MPHOSPH10: variants seen among roughly 807,000 people sequenced by gnomAD.
MPHOSPH10 encodes the protein M-phase phosphoprotein 10.
Under a neutral mutation model 77.3 loss-of-function variants are expected in MPHOSPH10, and 33 were observed. The ratio of observed to expected loss-of-function variants is 0.43; its 90% CI spans 0.32 to 0.57. The LOEUF (loss-of-function observed/expected upper bound fraction) is 0.57, where lower values mean the gene tolerates loss of function less well. Ranked by LOEUF, MPHOSPH10 falls within the 20% of genes least tolerant of loss-of-function variation. MPHOSPH10 has a pLI of 0.07. For missense variants in MPHOSPH10, 708 were observed against 780.1 expected, an observed-to-expected ratio of 0.91 and a Z score of 1.10; for synonymous variants, 245 against 268.0, an observed-to-expected ratio of 0.91 and a Z score of 0.84.
In MPHOSPH10 at chr2:71,144,494, T is replaced by C; in HGVS notation, c.1513T>C (p.Leu505=). 6.2e-7 allele frequency: 1 copy of C among 1,614,212 alleles called. No individual in the cohort carries two copies. The highest frequency in any genetic ancestry group is 1.3e-5 in the African/African-American group (1 of 75,066). ...TCAGAAGATGATGGATTCCCTCTTC[T>C]TAAAATTGGATGCCCTCTCAAACTT... ...EIQKMMDSLF[L]KLDALSNFHF... The change falls in exon 8 of 11, where the codon TTA becomes CTA. Residue 505 remains leucine (L), a synonymous_variant. Transcript: ENST00000244230.
At chr2:71,149,090 A>T in intron 9 of MPHOSPH10, 133 bp from the exon 10 acceptor site, 2 of 738,704 alleles carry the variant, frequency 2.7e-6, no homozygotes, top group Non-Finnish European at 4.5e-6. Flanking sequence ...GCAGGTGGGG[A>T]TTGCTCTGCA....
chr2:71,134,067 T>C lies in MPHOSPH10; in HGVS notation c.888T>C (p.Ile296=), dbSNP rs755967072. 3 of 1,609,992 alleles carry C rather than the reference T, an allele frequency of 1.9e-6. No homozygotes were observed. Among genetic ancestry groups the C allele is most frequent in the Admixed American group, 1.7e-5 (1 of 59,480 alleles). ...ELDSNKEDDE[I]AEEEAEELSI... is the part of the protein sequence containing the mutation. ...ATTCAAACAAAGAAGATGATGAAAT[T>C]GCTGAAGAAGAAGCAGAAGAACTAA... Residue 296 remains isoleucine (I), a synonymous_variant, in exon 3 of 11, where the codon ATT becomes ATC. Coordinates refer to ENST00000244230, the MANE Select transcript of MPHOSPH10 (RefSeq NM_005791.3).
chr2:71,141,933 G>A (rs1401016352), intron 7 of MPHOSPH10, among the ~76,000 whole-genome samples: 2 of 152,218 alleles, frequency 1.3e-5, no homozygotes, highest in Non-Finnish European at 2.9e-5. Context: ...TTGGGAGGCC[G>A]AGGCAGGGGA....
chr2:71,149,837 G>A, intron 10 of MPHOSPH10, 29 bp from the exon 11 acceptor site: 1 of 1,506,706 alleles, frequency 6.6e-7, no homozygotes, highest in Non-Finnish European at 8.8e-7. Flanking sequence ...ACATTTTACA[G>A]CATAAGCATG....
rs745788802 is a variant in MPHOSPH10, at chr2:71,138,591, C to T, written c.1200C>T (p.Leu400=). The T allele has an allele frequency of 6.8e-6, 11 of 1,614,190 alleles. No individual in the cohort carries two copies. The highest frequency in any genetic ancestry group is 4.0e-5 in the African/African-American group (3 of 75,048). The change falls in exon 5 of 11, where the codon CTC becomes CTT. Residue 400 remains leucine (L), a synonymous_variant. Transcript: ENST00000244230. The stretch of plus-strand genomic sequence containing the variant: ...CACAGAAGAGGCCAGAGAACAGCCT[C>T]CTGGAGGAGACCCTACACTTTGACC... ...VTAQKRPENS[L]LEETLHFDHA...
intron 5 of MPHOSPH10, chr2:71,138,968 A>G: frequency 1.8e-6 from 1 of 549,692 alleles, no homozygotes; most frequent in East Asian, 3.1e-5. Context: ...CAGAAAGGGG[A>G]GGTTGCAGTG....
At chr2:71,131,479 A>G (rs940572352) in intron 1 of MPHOSPH10, among the ~76,000 whole-genome samples, 1 of 152,198 alleles carries the variant, frequency 6.6e-6, no homozygotes, top group Admixed American at 6.5e-5. Flanking sequence ...CCATCCCCTG[A>G]AGTCCTTTTC....
At chr2:71,134,531 A>G in intron 3 of MPHOSPH10, 95 bp from the exon 4 acceptor site, 2 of 1,183,872 alleles carry the variant, frequency 1.7e-6, no homozygotes, top group South Asian at 2.9e-5. Context: ...CATTAGGTAT[A>G]TAAAATAAGA....
At chr2:71,130,838 G>T (rs1673363098) in intron 1 of MPHOSPH10, 84 bp downstream of exon 1, 2 of 1,306,246 alleles carry the variant, frequency 1.5e-6, no homozygotes, top group Admixed American at 4.3e-5. Context: ...TTGTGGAGCT[G>T]GGGGAAGGTA....
Position 71,133,158 on chromosome 2 carries a change from A to T in MPHOSPH10, c.350A>T (p.Glu117Val). The change falls in exon 2 of 11, where the codon GAG (glutamate) becomes GTG (valine). Residue 117 changes from glutamate (E) to valine (V), a missense_variant. Around this residue, in one of 3 missense-constraint regions of MPHOSPH10, gnomAD observed 433 missense variants for 432.6 expected, o/e 1.00. Transcript: ENST00000244230. ...GAGAGTGAAGAACAGGAACGTGAAG[A>T]GGATGGTTCAGAGATAGAGGCTGAT... Reference protein sequence around the residue: ...LPESEEQEREEDGSEIEADDK... With the variant: ...LPESEEQEREVDGSEIEADDK... 1 of 1,614,168 alleles carries T rather than the reference A, an allele frequency of 6.2e-7. No homozygotes were observed.
intron 1 of MPHOSPH10, among the ~76,000 whole-genome samples, chr2:71,131,271 C>T (rs1234768217): frequency 6.6e-6 from 1 of 152,212 alleles, no homozygotes; most frequent in Non-Finnish European, 1.5e-5. Flanking sequence ...CCCAACCTTT[C>T]CCTGAGTTCC....
At chr2:71,137,827 T>C (rs1365646883) in intron 4 of MPHOSPH10, among the ~76,000 whole-genome samples, 1 of 152,214 alleles carries the variant, frequency 6.6e-6, no homozygotes, top group Non-Finnish European at 1.5e-5. Context: ...TGGCATTTTA[T>C]ACACTGAAGT....
chr2:71,141,196 G>T (rs780802297), intron 6 of MPHOSPH10, 36 bp from the exon 7 acceptor site: 9 of 1,310,676 alleles, frequency 6.9e-6, no homozygotes, highest in Admixed American at 3.0e-5. Flanking sequence ...ATAAATTGTA[G>T]GTTTTGTTAT....
Position 71,149,457 on chromosome 2 carries a change from A to G in MPHOSPH10, c.1896+4A>G. The G allele has an allele frequency of 1.9e-6, 3 of 1,606,836 alleles. No homozygotes were observed. Among genetic ancestry groups the G allele is most frequent in the South Asian group, 1.1e-5 (1 of 89,374 alleles). Reference sequence around the variant, plus strand: ...TGGCAAAGCTTCCTTCATAAAGGTAAGGACAAGGGAAAGAAAACTGCTCAA... The same window carrying G: ...TGGCAAAGCTTCCTTCATAAAGGTAGGGACAAGGGAAAGAAAACTGCTCAA... On this transcript the variant is annotated splice_donor_region_variant and intron_variant, in intron 10 of 10. Coordinates refer to ENST00000244230, the MANE Select transcript of MPHOSPH10 (RefSeq NM_005791.3).
chr2:71,149,484 G>T, intron 10 of MPHOSPH10, 31 bp downstream of exon 10: 1 of 1,584,114 alleles, frequency 6.3e-7, no homozygotes, highest in Non-Finnish European at 8.6e-7. Flanking sequence ...ACTGCTCAAG[G>T]GGACCTTTGT....
At chr2:71,138,230 ACAAACT>A (rs1425408053) in intron 4 of MPHOSPH10, among the ~76,000 whole-genome samples, 1 of 152,222 alleles carries the variant, frequency 6.6e-6, no homozygotes, top group African/African-American at 2.4e-5. Context: ...GAGCCCAGAA[ACAAACT>A]CAAAAGCTTC....
Position 71,134,808 on chromosome 2 carries a change from A to G in MPHOSPH10, c.1098+11A>G, listed in dbSNP as rs776508658. 21 of 1,526,140 alleles carry G rather than the reference A, an allele frequency of 1.4e-5. No homozygotes were observed. The Admixed American group carries it at 1.6e-4, about 12-fold the overall frequency. The allele number at this position is 1,526,140 out of a possible 1,614,324, so 94.5% of individuals were successfully genotyped here. A position where few individuals can be genotyped will look rare whatever the true frequency, so the allele number is the denominator to read the frequency against. ...AAAAGACAGGAAAAGGTAATTAGTAATTTAAGGAATTTTTAATATACTTGA... is the reference window on the plus strand; with the variant it reads ...AAAAGACAGGAAAAGGTAATTAGTAGTTTAAGGAATTTTTAATATACTTGA... On this transcript the variant is annotated intron_variant, in intron 4 of 10. Transcript: ENST00000244230.
chr2:71,145,571 T>C (rs1673690956), intron 8 of MPHOSPH10, among the ~76,000 whole-genome samples: 1 of 152,122 alleles, frequency 6.6e-6, no homozygotes, highest in Non-Finnish European at 1.5e-5. Flanking sequence ...AGTAAGTTCT[T>C]GATGGCAGGA....
chr2:71,131,713 A>G (rs533988167), intron 1 of MPHOSPH10, among the ~76,000 whole-genome samples: 5 of 152,356 alleles, frequency 3.3e-5, no homozygotes, highest in African/African-American at 1.2e-4. Flanking sequence ...GTCACAAGGT[A>G]CATGGTGGGG....
Sources: allele counts gnomAD v4.1 joint callset (sites outside exome capture counted in the v4.1 genomes callset), GRCh38; gene constraint gnomAD v4.1.1; regional missense constraint gnomAD v4.1.1; transcripts MANE v1.5; gene names NCBI Gene and HGNC (gene_info 2026-07-23, HGNC 2026-07-21).